The following NUDT9 variants were observed in gnomAD, a reference collection of about 807,000 sequenced individuals.
The protein encoded by NUDT9 is ADP-ribose pyrophosphatase.
Under a neutral mutation model 41.0 loss-of-function variants are expected in NUDT9, and 31 were observed. That is an observed-to-expected ratio of 0.76 (90% CI 0.57 to 1.02). The LOEUF (loss-of-function observed/expected upper bound fraction) is 1.02, where lower values mean the gene tolerates loss of function less well. Among genes scored for constraint, NUDT9 ranks in the 50% least tolerant of loss-of-function variants. The pLI, the probability that NUDT9 is intolerant of heterozygous loss-of-function variation, is 0.00. For missense variants in NUDT9, 380 were observed against 431.4 expected (o/e 0.88, Z 1.06); for synonymous variants, 146 against 147.6 (o/e 0.99, Z 0.08).
chr4:87,424,864 T>C (rs1443160675), intron 1 of NUDT9, among the ~76,000 whole-genome samples: 1 of 152,130 alleles, frequency 6.6e-6, no homozygotes, highest in Non-Finnish European at 1.5e-5. Flanking sequence ...GAACCCTACA[T>C]GAGGCAGGTA....
In NUDT9 at chr4:87,451,617, G is replaced by A. The variant is rs1246957768; in HGVS notation, c.671G>A (p.Ser224Asn). ...GGMVDPGEKI[S>N]ATLKREFGEE... is the part of the protein sequence containing the mutation. ...ATGGTGGATCCAGGAGAGAAGATTA[G>A]TGCCACACTGAAAAGAGAATTTGGT... is the stretch of plus-strand genomic sequence containing the variant. Residue 224 changes from serine (S) to asparagine (N), a missense_variant, in exon 6 of 8, where the codon AGT becomes AAT. Ser to Asn is a conservative substitution (Grantham distance 46). Transcript: ENST00000302174. The A allele has an allele frequency of 2.7e-5, 43 of 1,613,802 alleles. No homozygotes were observed. The highest frequency in any genetic ancestry group is 3.3e-5 in the Non-Finnish European group (39 of 1,179,906).
intron 2 of NUDT9, 57 bp downstream of exon 2, chr4:87,435,277 T>C: frequency 7.2e-6 from 11 of 1,530,586 alleles, no homozygotes; most frequent in Non-Finnish European, 9.7e-6. Context: ...GGTAATGGTT[T>C]TATTTGTAAA....
chr4:87,441,871 G>C lies in NUDT9; in HGVS notation c.486G>C (p.Leu162Phe). ...GRTGLVGRGL[L>F]GRWGPNHAAD... ...CTGGACTGGTGGGCCGGGGGCTTTT[G>C]GGGCGATGGGGCCCAAATCACGCTG... The change falls in exon 4 of 8, where the codon TTG becomes TTC. Residue 162 changes from leucine to phenylalanine, a missense_variant. Transcript: ENST00000302174. 2 of 1,613,500 alleles carry C rather than the reference G, an allele frequency of 1.2e-6. No homozygotes were observed. Among genetic ancestry groups the C allele is most frequent in the African/African-American group, 1.3e-5 (1 of 74,984 alleles).
At chr4:87,455,020 AATTTGGTCTTAATGTACAC>A (rs1380432750) in intron 7 of NUDT9, among the ~76,000 whole-genome samples, 1 of 152,212 alleles carries the variant, frequency 6.6e-6, no homozygotes, top group African/African-American at 2.4e-5. Flanking sequence ...CTTAAAAATT[AATTTGGTCTTAATGTACAC>A]ATTGAATGGC....
chr4:87,438,238 ATCAT>A (rs758004583), intron 2 of NUDT9, 35 bp from the exon 3 acceptor site: 1 of 1,094,870 alleles, frequency 9.1e-7, no homozygotes, highest in South Asian at 1.3e-5. Flanking sequence ...GTAGTTTTGA[ATCAT>A]TATTTCTTAT....
At chr4:87,424,163 G>A (rs533254692) in intron 1 of NUDT9, among the ~76,000 whole-genome samples, 5 of 151,760 alleles carry the variant, frequency 3.3e-5, no homozygotes, top group African/African-American at 1.2e-4. Flanking sequence ...TTATTGTCGC[G>A]CTGCCAGTTT....
chr4:87,456,612 C>T lies in NUDT9; in HGVS notation c.875-1231C>T, dbSNP rs534100171. Among the ~76,000 whole-genome samples the T allele has an allele frequency of 2.6e-5, 4 of 152,272 alleles. No homozygotes were observed. In the East Asian group the frequency reaches 7.7e-4, roughly 29 times the overall value. ...TGACCCCCTAGGAGATTTTATCTTT[C>T]AAGCTAGTCCAAAGGTCAGCTTTCA... On this transcript the variant is annotated intron_variant, in intron 7 of 7. Coordinates refer to ENST00000302174, the MANE Select transcript of NUDT9 (RefSeq NM_024047.5).
intron 7 of NUDT9, among the ~76,000 whole-genome samples, chr4:87,457,561 A>G (rs1013694148): frequency 1.3e-5 from 2 of 152,114 alleles, no homozygotes; most frequent in Admixed American, 6.6e-5. Context: ...TTTCATATTC[A>G]TGTAATATAA....
In NUDT9 at chr4:87,422,965, C is replaced by T. The variant is rs200633146; in HGVS notation, c.60C>T (p.Ala20=). The change falls in exon 1 of 8, where the codon GCC becomes GCT. Residue 20 remains alanine (A), a synonymous_variant. Coordinates refer to ENST00000302174, the MANE Select transcript of NUDT9 (RefSeq NM_024047.5). ...LAAVSLSLAL[A]SVTIRSSRCR... is the part of the protein sequence containing the mutation. Reference sequence around the variant, plus strand: ...CGGTGTCTCTCTCTCTGGCCTTGGCCTCTGTGACTATCAGGTCCTCGCGCT... The same window carrying T: ...CGGTGTCTCTCTCTCTGGCCTTGGCTTCTGTGACTATCAGGTCCTCGCGCT... The T allele has an allele frequency of 1.2e-6, 2 of 1,613,220 alleles. No individual in the cohort carries two copies. The highest frequency in any genetic ancestry group is 1.3e-5 in the African/African-American group (1 of 74,916).
chr4:87,436,343 T>G (rs982405768), intron 2 of NUDT9, among the ~76,000 whole-genome samples: 1 of 151,760 alleles, frequency 6.6e-6, no homozygotes, highest in Non-Finnish European at 1.5e-5. Context: ...TTTATGTTCC[T>G]TTTCTAACCC....
At chr4:87,447,461 G>C (rs1382127224) in intron 4 of NUDT9, among the ~76,000 whole-genome samples, 1 of 150,256 alleles carries the variant, frequency 6.7e-6, no homozygotes, top group Non-Finnish European at 1.5e-5. Context: ...CTTCTTTTTT[G>C]GTTTAGCATT....
chr4:87,451,636 A>T lies in NUDT9; in HGVS notation c.690A>T (p.Glu230Asp), dbSNP rs372262826. The change falls in exon 6 of 8, where the codon GAA becomes GAT. Residue 230 changes from glutamate to aspartate, a missense_variant. Coordinates refer to ENST00000302174, the MANE Select transcript of NUDT9 (RefSeq NM_024047.5). ...GEKISATLKR[E>D]FGEEALNSLQ... ...AGATTAGTGCCACACTGAAAAGAGA[A>T]TTTGGTGAGGAAGCTCTCAACTCCT... 1.5e-5 allele frequency: 24 copies of T among 1,613,736 alleles called. No individual in the cohort carries two copies. The highest frequency in any genetic ancestry group is 4.0e-5 in the African/African-American group (3 of 74,918).
intron 1 of NUDT9, among the ~76,000 whole-genome samples, chr4:87,429,881 C>T (rs941076662): frequency 1.3e-5 from 2 of 152,016 alleles, no homozygotes; most frequent in African/African-American, 2.4e-5. Flanking sequence ...TATATGGCTC[C>T]TTCTATATAT....
intron 1 of NUDT9, among the ~76,000 whole-genome samples, chr4:87,423,630 A>G (rs1382936508): frequency 6.6e-6 from 1 of 152,192 alleles, no homozygotes; most frequent in Non-Finnish European, 1.5e-5. Flanking sequence ...ATCTACAAAG[A>G]TGATAATTAG....
At position 87,452,160 on chromosome 4, in the gene NUDT9, G is replaced by A. The variant is rs527896221; in HGVS notation, c.789+425G>A. ...TGGGATTACAGGCTTCCACCACCAC[G>A]CCCGGCTAATTTTTGTATTTTTAGT... is the stretch of plus-strand genomic sequence containing the variant. On this transcript the variant is annotated intron_variant, in intron 6 of 7. Transcript: ENST00000302174. 9.7e-4 allele frequency among the ~76,000 whole-genome samples: 148 copies of A among 151,926 alleles called. 1 individual carries two copies. Among genetic ancestry groups the A allele is most frequent in the Admixed American group, 5.7e-3 (87 of 15,250 alleles).
At chr4:87,450,533 C>T (rs779710244) in intron 5 of NUDT9, among the ~76,000 whole-genome samples, 6 of 151,610 alleles carry the variant, frequency 4.0e-5, no homozygotes, top group Non-Finnish European at 8.8e-5. Context: ...CGACCACCAC[C>T]ACACCTAGCT....
In NUDT9 at chr4:87,440,039, CCTTT is replaced by C. The variant is rs1480569829; in HGVS notation, c.443+1670_443+1673del. ...TCTTTCTTTGGTCATAACTTATTCA[CCTTT>C]CTATGTTATTGAGTCTTTTTAAGTC... On this transcript the variant is annotated intron_variant, in intron 3 of 7. Transcript: ENST00000302174. Among the ~76,000 whole-genome samples the C allele has an allele frequency of 3.9e-5, 6 of 152,128 alleles. 1 individual carries two copies. The highest frequency in any genetic ancestry group is 1.4e-4 in the African/African-American group (6 of 41,416).
intron 1 of NUDT9, among the ~76,000 whole-genome samples, chr4:87,432,830 C>T (rs944248874): frequency 2.0e-5 from 3 of 151,760 alleles, no homozygotes; most frequent in African/African-American, 7.3e-5. Context: ...TATATAGAAC[C>T]ATCATTGGAT....
chr4:87,441,999 G>A, intron 4 of NUDT9, 84 bp downstream of exon 4: 1 of 851,462 alleles, frequency 1.2e-6, no homozygotes. Context: ...GTGTATATAT[G>A]TATACCTGTG....
Sources: gnomAD v4.1 joint callset for allele counts (sites outside exome capture counted in the v4.1 genomes callset) on GRCh38, gnomAD v4.1.1 for gene constraint, MANE v1.5 for transcripts, NCBI Gene and HGNC (gene_info 2026-07-23, HGNC 2026-07-21) for gene names.